The following NTNG2 variants were observed in gnomAD, a reference collection of about 807,000 sequenced individuals.
NTNG2 encodes the protein netrin-G2.
Under a neutral mutation model 47.6 loss-of-function variants are expected in NTNG2, and 15 were observed. The ratio of observed to expected loss-of-function variants is 0.32; its 90% CI spans 0.21 to 0.49. The LOEUF (loss-of-function observed/expected upper bound fraction) is 0.49, where lower values mean the gene tolerates loss of function less well. Among genes scored for constraint, NTNG2 ranks in the 20% least tolerant of loss-of-function variants. NTNG2 has a pLI of 0.99. For synonymous variants in NTNG2, 307 were observed against 324.6 expected, an observed-to-expected ratio of 0.95 and a Z score of 0.58; for missense variants, 578 against 764.6, an observed-to-expected ratio of 0.76 and a Z score of 2.88.
intron 3 of NTNG2, among the ~76,000 whole-genome samples, chr9:132,199,589 G>C (rs1454602006): frequency 1.3e-5 from 2 of 152,190 alleles, no homozygotes; most frequent in Non-Finnish European, 2.9e-5. Context: ...GATGGTATAG[G>C]CATTGCTGAT....
chr9:132,231,375 G>C lies in NTNG2; in HGVS notation c.1054+780G>C, dbSNP rs1010573893. The C allele has an allele frequency of 2.2e-6, 1 of 455,570 alleles. No homozygotes were observed. Among genetic ancestry groups the C allele is most frequent in the Non-Finnish European group, 4.4e-6 (1 of 226,398 alleles). The allele number at this position is 455,570 out of a possible 1,614,324, so 28.2% of individuals were successfully genotyped here. ...AGGACTGGCCAATGTCAAAGAGCCA[G>C]CCGGGAGCAGACCCCAAATCTCAGA... On this transcript the variant is annotated intron_variant, in intron 5 of 7. Transcript: ENST00000393229. The surrounding 1 kb of genome is among the most constrained non-coding windows in gnomAD (Gnocchi z 4.1).
At position 132,230,128 on chromosome 9, in the gene NTNG2, C is replaced by T. The variant is rs970804106; in HGVS notation, c.1031-444C>T. 1.1e-4 allele frequency among the ~76,000 whole-genome samples: 16 copies of T among 152,258 alleles called. 1 individual carries two copies. Among genetic ancestry groups the T allele is most frequent in the African/African-American group, 3.9e-4 (16 of 41,470 alleles). ...GCACTCCACCCGCGGCAGCCGCTCC[C>T]ATGGCTTCTCAGTGAGTTTTCCAGC... On this transcript the variant is annotated intron_variant, in intron 4 of 7. Transcript: ENST00000393229.
At chr9:132,213,308 G>A (rs565201409) in intron 3 of NTNG2, among the ~76,000 whole-genome samples, 8 of 130,656 alleles carry the variant, frequency 6.1e-5, no homozygotes, top group African/African-American at 1.9e-4. Context: ...CAGCCTGGGC[G>A]ATGACAGAGT....
intron 2 of NTNG2, among the ~76,000 whole-genome samples, chr9:132,196,766 T>C (rs1214324103): frequency 6.6e-6 from 1 of 152,206 alleles, no homozygotes; most frequent in African/African-American, 2.4e-5. Context: ...ATTGTAACAC[T>C]GCCCAGAGCT....
intron 2 of NTNG2, among the ~76,000 whole-genome samples, chr9:132,179,946 G>A (rs1336637375): frequency 1.3e-5 from 2 of 152,190 alleles, no homozygotes; most frequent in African/African-American, 4.8e-5. Flanking sequence ...TTGGCAGGAG[G>A]GAATTGTATT....
At position 132,215,759 on chromosome 9, in the gene NTNG2, C is replaced by CATGA. The variant is rs1414699011; in HGVS notation, c.858-11087_858-11084dup. ...CTGGGGTGGGTGTTGGACGGGACAG[C>CATGA]ATGAATAAGGGGCCCTGCCCTTGGG... On this transcript the variant is annotated intron_variant, in intron 3 of 7. Coordinates refer to ENST00000393229, the MANE Select transcript of NTNG2 (RefSeq NM_032536.4). The surrounding 1 kb of genome is among the most constrained non-coding windows in gnomAD (Gnocchi z 4.2). 6.6e-6 allele frequency among the ~76,000 whole-genome samples: 1 copy of CATGA among 152,094 alleles called. No homozygotes were observed. The highest frequency in any genetic ancestry group is 1.5e-5 in the Non-Finnish European group (1 of 68,020).
rs113725241 is a variant in NTNG2, at chr9:132,236,195, G to C, written c.1055-2909G>C. Reference sequence around the variant, plus strand: ...GGGTGGACTGTGGTGGGTGAAGGGAGAAGGCAGCACATTCCAGGCCGCAGG... The same window carrying C: ...GGGTGGACTGTGGTGGGTGAAGGGACAAGGCAGCACATTCCAGGCCGCAGG... On this transcript the variant is annotated intron_variant, in intron 5 of 7. Coordinates refer to ENST00000393229, the MANE Select transcript of NTNG2 (RefSeq NM_032536.4). This position sits in a 1 kb window ranked among gnomAD's most constrained non-coding sequence, Gnocchi z 4.3. Among the ~76,000 whole-genome samples the C allele has an allele frequency of 0.012, 1,880 of 152,358 alleles. 35 individuals are homozygous for C. Among genetic ancestry groups the C allele is most frequent in the African/African-American group, 0.043 (1,775 of 41,590 alleles).
chr9:132,176,164 T>C (rs559217966), intron 2 of NTNG2, among the ~76,000 whole-genome samples: 19 of 150,878 alleles, frequency 1.3e-4, no homozygotes, highest in African/African-American at 4.7e-4. Context: ...GCCTGGGCAA[T>C]GTAGTGAGAC....
intron 3 of NTNG2, among the ~76,000 whole-genome samples, chr9:132,216,709 C>G (rs1282724408): frequency 6.6e-6 from 1 of 152,008 alleles, no homozygotes. Context: ...ATTGATGGTT[C>G]CTGAGGGTCA....
At chr9:132,191,331 C>T (rs77142518) in intron 2 of NTNG2, among the ~76,000 whole-genome samples, 1,657 of 152,218 alleles carry the variant, frequency 0.011, 42 homozygotes, top group African/African-American at 0.038. Flanking sequence ...TGAGTTAATA[C>T]GAAGCTGCTG....
At position 132,187,559 on chromosome 9, in the gene NTNG2, G is replaced by A. The variant is rs984131146; in HGVS notation, c.214-10407G>A. The stretch of plus-strand genomic sequence containing the variant: ...AATGAGAAACACACACACAGAGAGC[G>A]AGAGGGAGCAAGAGAGAGAGAGAGA... On this transcript the variant is annotated intron_variant, in intron 2 of 7. Transcript: ENST00000393229. Among the ~76,000 whole-genome samples, 10 of 132,214 alleles carry A rather than the reference G, an allele frequency of 7.6e-5. No individual in the cohort carries two copies. In the East Asian group the frequency reaches 1.9e-3, roughly 26 times the overall value. The allele number at this position is 132,214 out of a possible 152,430, so 86.7% of individuals were successfully genotyped here.
intron 3 of NTNG2, among the ~76,000 whole-genome samples, chr9:132,217,945 A>G (rs1225069668): frequency 1.3e-5 from 2 of 152,070 alleles, no homozygotes; most frequent in East Asian, 3.9e-4. Context: ...TTTCACCCCA[A>G]CCGTGATGAG....
At position 132,162,818 on chromosome 9, in the gene NTNG2, C is replaced by A. The variant is rs1193853475; in HGVS notation, c.-484+579C>A. 1.3e-5 allele frequency among the ~76,000 whole-genome samples: 2 copies of A among 151,634 alleles called. No individual in the cohort carries two copies. The highest frequency in any genetic ancestry group is 2.0e-4 in the East Asian group (1 of 5,114). On this transcript the variant is annotated intron_variant, in intron 1 of 7. Transcript: ENST00000393229. This position sits in a 1 kb window ranked among gnomAD's most constrained non-coding sequence, Gnocchi z 4.6. ...CAGTCCGGCTGGAAACTTCTCCCGG[C>A]GCCGGGAGGGGGTCGGGAGGTGAGG...
intron 2 of NTNG2, among the ~76,000 whole-genome samples, chr9:132,192,037 A>G (rs769704763): frequency 3.3e-5 from 5 of 152,220 alleles, no homozygotes; most frequent in Non-Finnish European, 7.3e-5. Flanking sequence ...GGTGTGCCTA[A>G]CAGTCTCTCC....
At chr9:132,173,966 A>G in intron 2 of NTNG2, among the ~76,000 whole-genome samples, 1 of 144,832 alleles carries the variant, frequency 6.9e-6, no homozygotes, top group African/African-American at 2.6e-5. Context: ...AGATGGATGG[A>G]CAGACGAACA....
intron 3 of NTNG2, among the ~76,000 whole-genome samples, chr9:132,219,896 C>T (rs1488054785): frequency 6.6e-6 from 1 of 152,220 alleles, no homozygotes; most frequent in Non-Finnish European, 1.5e-5. Context: ...ACTCTAAGTT[C>T]ACCTTTTGTA....
chr9:132,210,926 A>G (rs890649404), intron 3 of NTNG2, among the ~76,000 whole-genome samples: 6 of 152,112 alleles, frequency 3.9e-5, no homozygotes, highest in Admixed American at 3.9e-4. Context: ...CCATTCACTC[A>G]TCTGTAACAT....
At chr9:132,220,678 C>T (rs1589509876) in intron 3 of NTNG2, among the ~76,000 whole-genome samples, 1 of 152,188 alleles carries the variant, frequency 6.6e-6, no homozygotes, top group East Asian at 1.9e-4. Flanking sequence ...CAACTCCTGA[C>T]CTCAGGTAAC....
At chr9:132,191,659 C>T (rs540175306) in intron 2 of NTNG2, among the ~76,000 whole-genome samples, 4 of 152,122 alleles carry the variant, frequency 2.6e-5, no homozygotes, top group Non-Finnish European at 5.9e-5. Flanking sequence ...GCAAGCTCCA[C>T]CTCCTGGGTT....
Sources: gnomAD v4.1 joint callset for allele counts (sites outside exome capture counted in the v4.1 genomes callset) on GRCh38, gnomAD v4.1.1 for gene constraint, Gnocchi (gnomAD v3.1) non-coding constraint, MANE v1.5 for transcripts, NCBI Gene and HGNC (gene_info 2026-07-23, HGNC 2026-07-21) for gene names.